Variants in GALNTL6 observed in about 807,000 individuals in gnomAD.
The protein encoded by GALNTL6 is polypeptide N-acetylgalactosaminyltransferase like 6, also known as polypeptide N-acetylgalactosaminyltransferase-like 6.
In GALNTL6, 46 loss-of-function variants were observed where a neutral mutation model predicts 73.7. The ratio of observed to expected loss-of-function variants is 0.62; its 90% CI spans 0.49 to 0.80. The LOEUF is 0.80. Among genes scored for constraint, GALNTL6 ranks in the 30% least tolerant of loss-of-function variants. The probability of loss-of-function intolerance (pLI) is 0.00; values close to 1 mark genes in which losing one functional copy is unlikely to be tolerated. For missense variants in GALNTL6, 604 were observed against 755.0 expected (o/e 0.80, Z 2.34); for synonymous variants, 259 against 263.7 (o/e 0.98, Z 0.17).
intron 5 of GALNTL6, among the ~76,000 whole-genome samples, chr4:172,696,456 G>A (rs1037989315): frequency 3.3e-5 from 5 of 151,922 alleles, no homozygotes; most frequent in African/African-American, 1.2e-4. Context: ...GATTGATATG[G>A]TTTGACTATG....
At chr4:172,201,955 G>A (rs1735971482) in intron 2 of GALNTL6, among the ~76,000 whole-genome samples, 1 of 152,138 alleles carries the variant, frequency 6.6e-6, no homozygotes, top group Admixed American at 6.6e-5. Context: ...TTGCAGAAGT[G>A]ATGAGACTAG....
rs150191487 is a variant in GALNTL6, at chr4:172,503,269, T to G, written c.553+154580T>G. On this transcript the variant is annotated intron_variant, in intron 5 of 12. Transcript: ENST00000506823. ...AAAACATCTATGGAAGCAAAATACC[T>G]TATTAAATATTTAACAGGACATGGC... Among the ~76,000 whole-genome samples the G allele has an allele frequency of 3.9e-5, 6 of 152,142 alleles. No individual in the cohort carries two copies. In the East Asian group the frequency reaches 9.7e-4, roughly 24 times the overall value.
At chr4:172,868,881 T>C (rs1284601606) in intron 7 of GALNTL6, among the ~76,000 whole-genome samples, 2 of 152,218 alleles carry the variant, frequency 1.3e-5, no homozygotes, top group Non-Finnish European at 1.5e-5. Flanking sequence ...ATCCTGGGAC[T>C]GGAGGGCACT....
At chr4:172,181,968 C>T (rs762906388) in intron 2 of GALNTL6, among the ~76,000 whole-genome samples, 8 of 152,178 alleles carry the variant, frequency 5.3e-5, no homozygotes, top group East Asian at 1.9e-4. Context: ...CCGCCTGACT[C>T]GGCCTCCCAA....
chr4:172,529,260 TA>T (rs1735087771), intron 5 of GALNTL6, among the ~76,000 whole-genome samples: 1 of 151,824 alleles, frequency 6.6e-6, no homozygotes, highest in African/African-American at 2.4e-5. Context: ...AGATTTTTTT[TA>T]AAAACTGGTA....
At chr4:172,623,641 T>C (rs1016227) in intron 5 of GALNTL6, among the ~76,000 whole-genome samples, 63,611 of 151,984 alleles carry the variant, frequency 0.42, 15,885 homozygotes, top group East Asian at 0.68. Context: ...TTCTTTTCTA[T>C]GGAAAAACTC....
intron 12 of GALNTL6, among the ~76,000 whole-genome samples, chr4:173,022,751 G>A (rs189576314): frequency 6.6e-6 from 1 of 152,254 alleles, no homozygotes; most frequent in Non-Finnish European, 1.5e-5. Context: ...AGTTAACAGT[G>A]AATGGTAGGA....
chr4:172,929,612 T>C (rs752299808), intron 8 of GALNTL6, among the ~76,000 whole-genome samples: 1 of 152,086 alleles, frequency 6.6e-6, no homozygotes, highest in Non-Finnish European at 1.5e-5. Context: ...CTTCATCCAA[T>C]TGGATGAGGC....
intron 2 of GALNTL6, among the ~76,000 whole-genome samples, chr4:171,990,945 A>T (rs1458286633): frequency 6.6e-6 from 1 of 152,192 alleles, no homozygotes; most frequent in Non-Finnish European, 1.5e-5. Context: ...CAAGAAGAAA[A>T]TAAAACAGGA....
At chr4:172,928,814 C>A (rs111572851) in intron 8 of GALNTL6, among the ~76,000 whole-genome samples, 48 of 152,324 alleles carry the variant, frequency 3.2e-4, no homozygotes, top group African/African-American at 1.2e-3. Flanking sequence ...CACTTTTCAA[C>A]TTTAAAATTC....
At chr4:171,814,942 G>A (rs1734484836) in intron 2 of GALNTL6, 1 of 566,706 alleles carries the variant, frequency 1.8e-6, no homozygotes, top group African/African-American at 1.9e-5. Flanking sequence ...GGATAAGACA[G>A]GTCAAGAAGA....
At chr4:172,712,520 T>C (rs977462665) in intron 5 of GALNTL6, among the ~76,000 whole-genome samples, 1 of 152,162 alleles carries the variant, frequency 6.6e-6, no homozygotes, top group African/African-American at 2.4e-5. Flanking sequence ...AGGATGCTAC[T>C]TTTTTATGAA....
chr4:171,836,065 T>C (rs954826377), intron 2 of GALNTL6, among the ~76,000 whole-genome samples: 1 of 136,572 alleles, frequency 7.3e-6, no homozygotes, highest in African/African-American at 2.7e-5. Flanking sequence ...CATCATAAAA[T>C]AGTGCTAGTA....
chr4:172,703,406 A>G (rs1190877128), intron 5 of GALNTL6, among the ~76,000 whole-genome samples: 2 of 151,994 alleles, frequency 1.3e-5, no homozygotes, highest in Non-Finnish European at 2.9e-5. Context: ...ATTATGAAGG[A>G]AAGTTGAACT....
intron 4 of GALNTL6, among the ~76,000 whole-genome samples, chr4:172,330,667 GTTTA>G (rs1162223601): frequency 6.6e-6 from 1 of 152,122 alleles, no homozygotes; most frequent in Non-Finnish European, 1.5e-5. Context: ...AAGTAGTATA[GTTTA>G]TTTGTTTTTT....
At chr4:171,998,808 G>C (rs1259332061) in intron 2 of GALNTL6, among the ~76,000 whole-genome samples, 1 of 152,210 alleles carries the variant, frequency 6.6e-6, no homozygotes, top group South Asian at 2.1e-4. Flanking sequence ...AACATGTACA[G>C]ATTTCGCAAA....
At chr4:172,513,539 G>GA (rs1177836634) in intron 5 of GALNTL6, among the ~76,000 whole-genome samples, 1 of 152,076 alleles carries the variant, frequency 6.6e-6, no homozygotes, top group Non-Finnish European at 1.5e-5. Context: ...CTTCTCATTT[G>GA]AGTAGACTAT....
At chr4:172,380,332 A>G (rs1579015809) in intron 5 of GALNTL6, 1 of 723,174 alleles carries the variant, frequency 1.4e-6, no homozygotes, top group Non-Finnish European at 2.6e-6. Flanking sequence ...GTCCAAGTTT[A>G]AAAGTCCCTC....
chr4:172,390,616 G>GT (rs1743630754), intron 5 of GALNTL6, among the ~76,000 whole-genome samples: 1 of 152,128 alleles, frequency 6.6e-6, no homozygotes, highest in Admixed American at 6.6e-5. Flanking sequence ...GAAAAGCATA[G>GT]TTTATACAAA....
Sources: gnomAD v4.1 joint callset for allele counts (sites outside exome capture counted in the v4.1 genomes callset) on GRCh38, gnomAD v4.1.1 for gene constraint, MANE v1.5 for transcripts, NCBI Gene and HGNC (gene_info 2026-07-23, HGNC 2026-07-21) for gene names.